RS1: variants seen among roughly 807,000 people sequenced by gnomAD.
RS1 encodes retinoschisin 1, also known as retinoschisin.
Under a neutral mutation model 20.8 loss-of-function variants are expected in RS1, and 2 were observed. That is an observed-to-expected ratio of 0.10 (90% CI 0.04 to 0.30). The LOEUF is 0.30. RS1 is among the 10% of genes least tolerant of loss of function. The pLI, the probability that RS1 is intolerant of heterozygous loss-of-function variation, is 1.00. For missense variants in RS1, 151 were observed against 189.8 expected (o/e 0.80, Z 1.20); for synonymous variants, 70 against 75.8 (o/e 0.92, Z 0.40).
intron 4 of RS1, chrX:18,646,225 C>T: frequency 2.0e-6 from 2 of 990,819 alleles, no homozygotes; most frequent in Non-Finnish European, 2.8e-6. Flanking sequence ...ACAATCTCGG[C>T]TCACTGCAAC....
intron 1 of RS1, among the ~76,000 whole-genome samples, chrX:18,664,534 G>A (rs1016023207): frequency 3.6e-5 from 4 of 110,414 alleles, no homozygotes; most frequent in African/African-American, 9.9e-5. Flanking sequence ...AGGCTGAGGC[G>A]GGATAATCAC....
chrX:18,655,975 CTTTT>C (rs1928204850), intron 3 of RS1, among the ~76,000 whole-genome samples: 1 of 93,683 alleles, frequency 1.1e-5, no homozygotes, highest in Admixed American at 1.2e-4. Flanking sequence ...CTTTTCTTTT[CTTTT>C]CTTTTCCTTT....
intron 5 of RS1, 97 bp downstream of exon 5, chrX:18,644,333 C>A: frequency 1.3e-6 from 1 of 741,529 alleles, no homozygotes; most frequent in Non-Finnish European, 2.1e-6. Flanking sequence ...GCTGTGGAGT[C>A]GGTGCTCTGA....
chrX:18,661,912 T>C (rs1928317699), intron 1 of RS1, among the ~76,000 whole-genome samples: 1 of 112,285 alleles, frequency 8.9e-6, no homozygotes, highest in Non-Finnish European at 1.9e-5. Context: ...GATGGGGGCG[T>C]GGTGGGCCAG....
At chrX:18,668,888 T>A (rs1241113144) in intron 1 of RS1, among the ~76,000 whole-genome samples, 1 of 111,968 alleles carries the variant, frequency 8.9e-6, no homozygotes, top group African/African-American at 3.2e-5. Context: ...GAAAATGTTC[T>A]AAAATTAGAT....
At position 18,644,461 on chromosome X, in the gene RS1, A is replaced by T; in HGVS notation, c.491T>A (p.Ile164Asn). The change falls in exon 5 of 6, where the codon ATT becomes AAT. Residue 164 changes from isoleucine to asparagine, a missense_variant. By Grantham distance (149) the Ile-to-Asn change is moderately radical. Transcript: ENST00000379984. Reference protein sequence around the residue: ...QYRTDERLNWIYYKDQTGNNR... With the variant: ...QYRTDERLNWNYYKDQTGNNR... The stretch of plus-strand genomic sequence containing the variant: ...GTTTCCAGTCTGGTCCTTGTAGTAA[A>T]TCCAGTTCAGGCGCTCATCGGTCCT... 1 of 1,211,092 alleles carries T rather than the reference A, an allele frequency of 8.3e-7. No homozygotes were observed. The highest frequency in any genetic ancestry group is 1.1e-6 in the Non-Finnish European group (1 of 895,332).
chrX:18,653,263 G>A (rs1928123542), intron 3 of RS1, among the ~76,000 whole-genome samples: 1 of 111,656 alleles, frequency 9.0e-6, no homozygotes, highest in African/African-American at 3.3e-5. Flanking sequence ...TTGGCTCAAC[G>A]GTGGAAGAGA....
intron 1 of RS1, among the ~76,000 whole-genome samples, chrX:18,669,776 C>A (rs1045025653): frequency 8.9e-6 from 1 of 112,031 alleles, no homozygotes; most frequent in Admixed American, 9.5e-5. Flanking sequence ...GTCCTCTGTC[C>A]CCTGGAGCAT....
intron 5 of RS1, 79 bp from the exon 6 acceptor site, chrX:18,642,235 C>G: frequency 9.7e-7 from 1 of 1,032,212 alleles, no homozygotes; most frequent in Middle Eastern, 2.6e-4. Flanking sequence ...GAGCTAGCCC[C>G]AACTTTTAAC....
intron 1 of RS1, among the ~76,000 whole-genome samples, chrX:18,664,713 A>C (rs747947123): frequency 9.1e-6 from 1 of 110,260 alleles, no homozygotes; most frequent in East Asian, 2.8e-4. Context: ...TATTATTAGT[A>C]GTATTATTAT....
chrX:18,670,939 G>C (rs1421394558), intron 1 of RS1, among the ~76,000 whole-genome samples: 1 of 111,973 alleles, frequency 8.9e-6, no homozygotes, highest in Non-Finnish European at 1.9e-5. Flanking sequence ...ACTGAGAAAT[G>C]TGACTAAGTA....
intron 1 of RS1, among the ~76,000 whole-genome samples, chrX:18,666,407 G>A (rs774000284): frequency 9.0e-6 from 1 of 111,424 alleles, no homozygotes; most frequent in African/African-American, 3.3e-5. Context: ...CGAGGTGAGC[G>A]TGTGCTTGGC....
intron 3 of RS1, among the ~76,000 whole-genome samples, chrX:18,652,487 G>A (rs758472165): frequency 8.1e-5 from 9 of 111,613 alleles, no homozygotes; most frequent in South Asian, 3.8e-4. Context: ...TGGCCAACAC[G>A]GTGAAACCCC....
At chrX:18,653,358 G>A in intron 3 of RS1, 1 of 1,182,025 alleles carries the variant, frequency 8.5e-7, no homozygotes, top group South Asian at 1.8e-5. Context: ...GGGGGGCCCG[G>A]GCATTAGCCA....
At chrX:18,644,288 G>T in intron 5 of RS1, 142 bp downstream of exon 5, 1 of 580,557 alleles carries the variant, frequency 1.7e-6, no homozygotes, top group Non-Finnish European at 3.0e-6. Context: ...AGAGAGCACA[G>T]CACATTGTGG....
At chrX:18,648,257 CTTTT>C (rs1927873831) in intron 3 of RS1, among the ~76,000 whole-genome samples, 1 of 106,146 alleles carries the variant, frequency 9.4e-6, no homozygotes, top group African/African-American at 3.5e-5. Context: ...TTTTTTTTTT[CTTTT>C]GAGACAGGGT....
At chrX:18,667,861 T>A (rs1928429653) in intron 1 of RS1, among the ~76,000 whole-genome samples, 1 of 111,732 alleles carries the variant, frequency 8.9e-6, no homozygotes, top group South Asian at 3.7e-4. Flanking sequence ...AGGTACCATA[T>A]CCTTATGGAA....
chrX:18,646,187 T>A, intron 4 of RS1: 2 of 1,159,726 alleles, frequency 1.7e-6, no homozygotes, highest in Non-Finnish European at 2.3e-6. Flanking sequence ...AGTCTTGCTC[T>A]GTCGCCCAGG....
chrX:18,670,223 C>CTTTTTT (rs34539361), intron 1 of RS1, among the ~76,000 whole-genome samples: 1 of 78,605 alleles, frequency 1.3e-5, no homozygotes. Context: ...ATGTCAAGTC[C>CTTTTTT]TTTTTTTTTT....
Sources: allele counts gnomAD v4.1 joint callset (sites outside exome capture counted in the v4.1 genomes callset), GRCh38; gene constraint gnomAD v4.1.1; transcripts MANE v1.5; gene names NCBI Gene and HGNC (gene_info 2026-07-23, HGNC 2026-07-21).